The following PTPN21 variants were observed in gnomAD, a reference collection of about 807,000 sequenced individuals.
The protein encoded by PTPN21 is tyrosine-protein phosphatase non-receptor type 21.
Under a neutral mutation model 131.8 loss-of-function variants are expected in PTPN21, and 77 were observed. That is an observed-to-expected ratio of 0.58 (90% confidence interval 0.49 to 0.71). The LOEUF (loss-of-function observed/expected upper bound fraction) is 0.71, where lower values mean the gene tolerates loss of function less well. Among genes scored for constraint, PTPN21 ranks in the 30% least tolerant of loss-of-function variants. The probability of loss-of-function intolerance (pLI) is 0.00; values close to 1 mark genes in which losing one functional copy is unlikely to be tolerated. For synonymous variants in PTPN21, 715 were observed against 621.3 expected (o/e 1.15, Z -2.24); for missense variants, 1,552 against 1,527.1 (o/e 1.02, Z -0.27).
Position 88,550,612 on chromosome 14 carries a change from C to A in PTPN21, c.-195G>T. 2 of 549,956 alleles carry A rather than the reference C, an allele frequency of 3.6e-6. No individual in the cohort carries two copies. The highest frequency in any genetic ancestry group is 1.9e-5 in the African/African-American group (1 of 53,002). The allele number at this position is 549,956 out of a possible 1,614,324, so 34.1% of individuals were successfully genotyped here. On this transcript the variant is annotated 5_prime_UTR_variant, in exon 2 of 19. Coordinates refer to ENST00000556564, the MANE Select transcript of PTPN21 (RefSeq NM_007039.4). ...AATGGCCCGAGGAAGGGAGCATTGA[C>A]GCCAGCGCTGGGGAAAGAGGAACGC...
At chr14:88,474,446 T>C (rs2077520621) in intron 13 of PTPN21, among the ~76,000 whole-genome samples, 1 of 152,166 alleles carries the variant, frequency 6.6e-6, no homozygotes, top group South Asian at 2.1e-4. Context: ...CCTCCCAAAG[T>C]GCTTGAGATT....
intron 10 of PTPN21, chr14:88,492,919 C>G: frequency 8.4e-6 from 3 of 355,768 alleles, no homozygotes; most frequent in South Asian, 2.1e-5. Context: ...ACCCTGCCCT[C>G]ATGGAGCTTC....
At chr14:88,482,412 G>A (rs1050590555) in intron 12 of PTPN21, among the ~76,000 whole-genome samples, 1 of 152,152 alleles carries the variant, frequency 6.6e-6, no homozygotes, top group Non-Finnish European at 1.5e-5. Context: ...ATCACCCAAG[G>A]TCGGGAGTTT....
Position 88,500,638 on chromosome 14 carries a change from TA to T in PTPN21, c.764+144del. ...GAAAAGGACTGTTGCATTCAGATGG[TA>T]TTTTTTTCCTAGGAAGGGAATTATT... On this transcript the variant is annotated intron_variant, in intron 8 of 18. Coordinates refer to ENST00000556564, the MANE Select transcript of PTPN21 (RefSeq NM_007039.4). The T allele has an allele frequency of 1.3e-5, 8 of 621,716 alleles. No individual in the cohort carries two copies. In the South Asian group the frequency reaches 1.7e-4, roughly 13 times the overall value. 38.5% of individuals were successfully genotyped at this position (621,716 alleles called of 1,614,324 possible).
intron 2 of PTPN21, among the ~76,000 whole-genome samples, chr14:88,536,448 G>A (rs1308492445): frequency 6.6e-6 from 1 of 152,188 alleles, no homozygotes; most frequent in Non-Finnish European, 1.5e-5. Context: ...AACTGATGTT[G>A]ACTGAGAACA....
At chr14:88,549,195 G>A (rs1269075966) in intron 2 of PTPN21, among the ~76,000 whole-genome samples, 5 of 152,146 alleles carry the variant, frequency 3.3e-5, no homozygotes, top group Non-Finnish European at 4.4e-5. Context: ...CGGGAGGATC[G>A]CTTGAGCCTA....
At position 88,469,744 on chromosome 14, in the gene PTPN21, T is replaced by C. The variant is rs564779651; in HGVS notation, c.3001-11A>G. Reference sequence around the variant, plus strand: ...CTCCCTTCCACCCTCCTGTTAAAGATGAGCATGGTTAAATGACTCGAGATC... The same window carrying C: ...CTCCCTTCCACCCTCCTGTTAAAGACGAGCATGGTTAAATGACTCGAGATC... On this transcript the variant is annotated splice_polypyrimidine_tract_variant and intron_variant, in intron 16 of 18. Coordinates refer to ENST00000556564, the MANE Select transcript of PTPN21 (RefSeq NM_007039.4). This position sits in a 1 kb window ranked among gnomAD's most constrained non-coding sequence, Gnocchi z 4.3. The C allele has an allele frequency of 9.3e-6, 15 of 1,613,618 alleles. No individual in the cohort carries two copies. Among genetic ancestry groups the C allele is most frequent in the African/African-American group, 2.7e-5 (2 of 75,066 alleles).
At chr14:88,487,888 C>A (rs1025571473) in intron 10 of PTPN21, among the ~76,000 whole-genome samples, 1 of 146,926 alleles carries the variant, frequency 6.8e-6, no homozygotes, top group Non-Finnish European at 1.5e-5. Context: ...ATCGCTTGAG[C>A]CAAGGGGGCG....
In PTPN21 at chr14:88,479,301, G is replaced by A; in HGVS notation, c.2130C>T (p.Ser710=). 1 of 1,613,424 alleles carries A rather than the reference G, an allele frequency of 6.2e-7. No homozygotes were observed. Residue 710 remains serine (S), a synonymous_variant, in exon 13 of 19, where the codon AGC becomes AGT. Transcript: ENST00000556564. ...SLSDATMLIH[S]SEEEEDEDFE... is the part of the protein sequence containing the mutation. Reference sequence around the variant, plus strand: ...AGTCCTCGTCCTCCTCCTCCTCGCTGCTGTGGATTAGCATGGTGGCGTCCG... The same window carrying A: ...AGTCCTCGTCCTCCTCCTCCTCGCTACTGTGGATTAGCATGGTGGCGTCCG...
At chr14:88,483,940 C>T (rs2077691788) in intron 12 of PTPN21, among the ~76,000 whole-genome samples, 1 of 152,110 alleles carries the variant, frequency 6.6e-6, no homozygotes, top group Non-Finnish European at 1.5e-5. Context: ...ATTGAGACCA[C>T]CCTGAGCAAT....
chr14:88,485,701 A>G (rs1243414767), intron 11 of PTPN21, 81 bp downstream of exon 11: 22 of 1,068,106 alleles, frequency 2.1e-5, no homozygotes, highest in Non-Finnish European at 3.0e-5. Context: ...CAAACTCAAA[A>G]TTAACAGCAT....
At chr14:88,495,332 C>G (rs2077894249) in intron 10 of PTPN21, among the ~76,000 whole-genome samples, 1 of 152,120 alleles carries the variant, frequency 6.6e-6, no homozygotes, top group Admixed American at 6.5e-5. Flanking sequence ...GAGGACTAAG[C>G]ACACTAAATG....
At chr14:88,498,458 A>G (rs917592636) in intron 8 of PTPN21, among the ~76,000 whole-genome samples, 10 of 152,222 alleles carry the variant, frequency 6.6e-5, no homozygotes, top group Admixed American at 6.5e-4. Context: ...GCTTGATGGA[A>G]GATCCCTCTC....
At chr14:88,477,076 T>G (rs1167695283) in intron 13 of PTPN21, among the ~76,000 whole-genome samples, 1 of 152,076 alleles carries the variant, frequency 6.6e-6, no homozygotes. Context: ...AAGGACCCTG[T>G]CCAGCTGGCT....
At chr14:88,553,552 G>A (rs2078891694) in intron 1 of PTPN21, among the ~76,000 whole-genome samples, 1 of 151,784 alleles carries the variant, frequency 6.6e-6, no homozygotes, top group Non-Finnish European at 1.5e-5. Flanking sequence ...GATTGGGTCT[G>A]GAATTATAAT....
At chr14:88,525,529 A>G (rs2078462169) in intron 2 of PTPN21, among the ~76,000 whole-genome samples, 1 of 152,236 alleles carries the variant, frequency 6.6e-6, no homozygotes, top group Admixed American at 6.5e-5. Context: ...CACACCAACT[A>G]GGATGGCTAT....
rs2078001929 is a variant in PTPN21, at chr14:88,501,158, TAAG to T, written c.675+120_675+122del. 4 of 917,278 alleles carry T rather than the reference TAAG, an allele frequency of 4.4e-6. No homozygotes were observed. The African/African-American group carries it at 6.6e-5, about 15-fold the overall frequency. 56.8% of individuals were successfully genotyped at this position (917,278 alleles called of 1,614,324 possible). A position where few individuals can be genotyped will look rare whatever the true frequency, so the allele number is the denominator to read the frequency against. On this transcript the variant is annotated intron_variant, in intron 7 of 18. Transcript: ENST00000556564. Reference sequence around the variant, plus strand: ...CTTTGGTCACCAGGACCTCAGCTTTTAAGTTTCCAGAGTTTTGCACGTCCTCAG... The same window carrying T: ...CTTTGGTCACCAGGACCTCAGCTTTTTTTCCAGAGTTTTGCACGTCCTCAG...
At chr14:88,537,215 T>C (rs1469965050) in intron 2 of PTPN21, among the ~76,000 whole-genome samples, 2 of 152,206 alleles carry the variant, frequency 1.3e-5, no homozygotes, top group Admixed American at 6.5e-5. Flanking sequence ...GTAACTGAAC[T>C]TCTCGTGTGG....
intron 8 of PTPN21, among the ~76,000 whole-genome samples, chr14:88,498,486 C>A (rs893413857): frequency 6.6e-6 from 1 of 152,130 alleles, no homozygotes; most frequent in African/African-American, 2.4e-5. Context: ...ATTGCCAATG[C>A]CCCATTTATT....
Sources: gnomAD v4.1 joint callset for allele counts (sites outside exome capture counted in the v4.1 genomes callset) on GRCh38, gnomAD v4.1.1 for gene constraint, Gnocchi (gnomAD v3.1) non-coding constraint, MANE v1.5 for transcripts, NCBI Gene and HGNC (gene_info 2026-07-23, HGNC 2026-07-21) for gene names.